DUSP11: variants seen among roughly 807,000 people sequenced by gnomAD.
The protein encoded by DUSP11 is dual specificity phosphatase 11.
In DUSP11, 27 loss-of-function variants were observed where a neutral mutation model predicts 41.4. The observed-to-expected ratio is 0.65, with a 90% CI of 0.48 to 0.90. The LOEUF is 0.90. Ranked by LOEUF, DUSP11 falls within the 40% of genes least tolerant of loss-of-function variation. The pLI is 0.00. For synonymous variants in DUSP11, 188 were observed against 159.3 expected, an observed-to-expected ratio of 1.18 and a Z score of -1.35; for missense variants, 465 against 461.1, an observed-to-expected ratio of 1.01 and a Z score of -0.08.
chr2:73,776,535 C>T (rs1216837581), intron 2 of DUSP11, among the ~76,000 whole-genome samples: 1 of 152,154 alleles, frequency 6.6e-6, no homozygotes, highest in East Asian at 1.9e-4. Context: ...CCAGACTCCC[C>T]CACTATCCAC....
chr2:73,764,797 A>T (rs1672426137), intron 8 of DUSP11, among the ~76,000 whole-genome samples: 1 of 152,124 alleles, frequency 6.6e-6, no homozygotes, highest in African/African-American at 2.4e-5. Flanking sequence ...TGAAACCCCC[A>T]TCTCTACTAA....
intron 2 of DUSP11, among the ~76,000 whole-genome samples, chr2:73,776,480 A>G (rs1380911826): frequency 6.6e-6 from 1 of 151,452 alleles, no homozygotes; most frequent in African/African-American, 2.4e-5. Flanking sequence ...AACTGAGCCA[A>G]AAGGACAGAT....
chr2:73,765,514 C>T (rs931050263), intron 8 of DUSP11, among the ~76,000 whole-genome samples: 1 of 152,150 alleles, frequency 6.6e-6, no homozygotes, highest in Non-Finnish European at 1.5e-5. Context: ...AGTGCATAAG[C>T]TGATACCCCG....
At chr2:73,775,243 T>C (rs1672656237) in intron 2 of DUSP11, among the ~76,000 whole-genome samples, 199 bp from the exon 3 acceptor site, 1 of 152,178 alleles carries the variant, frequency 6.6e-6, no homozygotes, top group Non-Finnish European at 1.5e-5. Flanking sequence ...CTTCTATATA[T>C]GTATTTCTGT....
chr2:73,778,183 G>A (rs995118865), intron 2 of DUSP11, 118 bp downstream of exon 2: 1 of 603,492 alleles, frequency 1.7e-6, no homozygotes, highest in Non-Finnish European at 2.8e-6. Flanking sequence ...GGATAGTAAA[G>A]GGGTCATTAC....
chr2:73,772,755 A>G (rs747302367), intron 4 of DUSP11, among the ~76,000 whole-genome samples: 8 of 152,220 alleles, frequency 5.3e-5, no homozygotes, highest in Non-Finnish European at 8.8e-5. Context: ...GTTTAACATA[A>G]TTAAAAGCTA....
intron 1 of DUSP11, chr2:73,779,588 G>C: frequency 2.2e-6 from 1 of 463,654 alleles, no homozygotes; most frequent in Non-Finnish European, 3.9e-6. Flanking sequence ...GAATTAAGGA[G>C]TGTCCCCAAC....
chr2:73,775,130 A>G (rs1672653742), intron 2 of DUSP11, 86 bp from the exon 3 acceptor site: 1 of 1,119,152 alleles, frequency 8.9e-7, no homozygotes, highest in Non-Finnish European at 1.3e-6. Context: ...TGATGCTAAC[A>G]TACAACGAGA....
At chr2:73,775,228 G>C (rs533975090) in intron 2 of DUSP11, among the ~76,000 whole-genome samples, 184 bp from the exon 3 acceptor site, 34 of 152,066 alleles carry the variant, frequency 2.2e-4, no homozygotes, top group Non-Finnish European at 4.1e-4. Flanking sequence ...AAAAAAATAA[G>C]CCCACTTCTA....
intron 2 of DUSP11, 80 bp from the exon 3 acceptor site, chr2:73,775,124 GCTAACA>G (rs1448033255): frequency 2.5e-5 from 30 of 1,200,128 alleles, no homozygotes; most frequent in Non-Finnish European, 1.5e-5. Context: ...GTCCTGTGAT[GCTAACA>G]TACAACGAGA....
chr2:73,774,831 G>C, intron 3 of DUSP11, 82 bp downstream of exon 3: 1 of 1,244,362 alleles, frequency 8.0e-7, no homozygotes, highest in Non-Finnish European at 1.1e-6. Flanking sequence ...CTTCACATTA[G>C]CACAAGATGA....
chr2:73,766,441 G>A, exon 8 of DUSP11: 1 of 1,612,258 alleles, frequency 6.2e-7, no homozygotes, highest in Non-Finnish European at 8.5e-7. Context: ...GCAAACTTTG[G>A]GTCTGGGTGT....
chr2:73,779,627 T>A, intron 1 of DUSP11: 1 of 600,184 alleles, frequency 1.7e-6, no homozygotes. Context: ...AAGCAATCCT[T>A]CCGTATTTTA....
At chr2:73,771,071 C>T (rs1269331130) in intron 4 of DUSP11, among the ~76,000 whole-genome samples, 2 of 152,144 alleles carry the variant, frequency 1.3e-5, no homozygotes, top group Non-Finnish European at 2.9e-5. Flanking sequence ...TCACCTCTTC[C>T]CTCATCCCTT....
intron 8 of DUSP11, 33 bp downstream of exon 8, chr2:73,766,385 C>T: frequency 6.4e-7 from 1 of 1,553,764 alleles, no homozygotes; most frequent in Non-Finnish European, 8.7e-7. Context: ...ATTTCTATCT[C>T]AATTCTAGAA....
intron 8 of DUSP11, among the ~76,000 whole-genome samples, chr2:73,765,407 C>T (rs1037087986): frequency 6.6e-6 from 1 of 152,226 alleles, no homozygotes; most frequent in Non-Finnish European, 1.5e-5. Context: ...CACTGGCTTC[C>T]GTGGTTCTGA....
At chr2:73,779,683 A>T in intron 1 of DUSP11, 191 bp downstream of exon 1, 1 of 822,468 alleles carries the variant, frequency 1.2e-6, no homozygotes, top group Non-Finnish European at 1.9e-6. Flanking sequence ...AATATGGAGA[A>T]ATCACAGGAC....
intron 1 of DUSP11, 130 bp from the exon 2 acceptor site, chr2:73,778,506 C>T: frequency 3.7e-6 from 2 of 536,250 alleles, no homozygotes; most frequent in East Asian, 6.9e-5. Context: ...TGCATTTCGC[C>T]ACTCCACTTA....
chr2:73,770,617 T>C (rs1157032300), intron 4 of DUSP11, among the ~76,000 whole-genome samples: 3 of 152,172 alleles, frequency 2.0e-5, no homozygotes, highest in Admixed American at 6.5e-5. Context: ...ATCCTCCATA[T>C]GGCAGATGTT....
Sources: gnomAD v4.1 joint callset for allele counts (sites outside exome capture counted in the v4.1 genomes callset) on GRCh38, gnomAD v4.1.1 for gene constraint, MANE v1.5 for transcripts, NCBI Gene and HGNC (gene_info 2026-07-23, HGNC 2026-07-21) for gene names.